Variants in JMJD1C observed in about 807,000 individuals in gnomAD.
The protein encoded by JMJD1C is jumonji domain-containing protein 1C.
JMJD1C carries 31 observed loss-of-function variants against 245.3 expected under a neutral mutation model. The observed-to-expected ratio is 0.13, with a 90% CI of 0.09 to 0.17. The LOEUF (loss-of-function observed/expected upper bound fraction) is 0.17. Ranked by LOEUF, JMJD1C falls within the 10% of genes least tolerant of loss-of-function variation. JMJD1C has a pLI of 1.00. For synonymous variants in JMJD1C, 1,057 were observed against 1,017.4 expected (o/e 1.04, Z -0.74); for missense variants, 2,691 against 3,000.2 (o/e 0.90, Z 2.41).
chr10:63,465,965 C>T lies in JMJD1C; in HGVS notation c.-303G>A, dbSNP rs1400614301. 3 of 511,758 alleles carry T rather than the reference C, an allele frequency of 5.9e-6. No individual in the cohort carries two copies. The highest frequency in any genetic ancestry group is 5.7e-5 in the South Asian group (3 of 52,398). 31.7% of individuals were successfully genotyped at this position (511,758 alleles called of 1,614,324 possible). A position where few individuals can be genotyped will look rare whatever the true frequency, so the allele number is the denominator to read the frequency against. On this transcript the variant is annotated 5_prime_UTR_variant, in exon 1 of 26. Transcript: ENST00000399262. ...GGCAGCCCAGCCGCCGCCACCGCGC[C>T]GCGGCCAGTACTGCTCCGTCTCCCT...
At chr10:63,277,731 CTTTTTTTTTTTTTTT>C (rs35442695) in intron 2 of JMJD1C, among the ~76,000 whole-genome samples, 1 of 64,262 alleles carries the variant, frequency 1.6e-5, no homozygotes, top group South Asian at 7.0e-4. Context: ...ATTTGCATTT[CTTTTTTTTTTTTTTT>C]TTTTTTTTTG....
rs570050036 is a variant in JMJD1C, at chr10:63,462,760, T to C, written c.168+2735A>G. On this transcript the variant is annotated intron_variant, in intron 1 of 25. Transcript: ENST00000399262. ...AAAAGGAAAGAAAATGGATCTCTCCTAGAATAAACAGTCTTGCCACACTTT... is the reference window on the plus strand; with the variant it reads ...AAAAGGAAAGAAAATGGATCTCTCCCAGAATAAACAGTCTTGCCACACTTT... Among the ~76,000 whole-genome samples the C allele has an allele frequency of 2.6e-5, 4 of 152,320 alleles. No homozygotes were observed. In the East Asian group the frequency reaches 7.7e-4, roughly 29 times the overall value.
intron 8 of JMJD1C, among the ~76,000 whole-genome samples, chr10:63,209,537 C>T (rs561710031): frequency 6.6e-6 from 1 of 152,076 alleles, no homozygotes; most frequent in Admixed American, 6.5e-5. Context: ...TATACAGAAC[C>T]TAGTTTATAT....
intron 2 of JMJD1C, among the ~76,000 whole-genome samples, chr10:63,369,495 A>G (rs1946124250): frequency 6.6e-6 from 1 of 152,160 alleles, no homozygotes; most frequent in Admixed American, 6.6e-5. Flanking sequence ...ATAAGATACA[A>G]AAATAGTGGT....
chr10:63,502,551 T>A (rs368949438), intron 1 of JMJD1C, among the ~76,000 whole-genome samples: 1 of 147,000 alleles, frequency 6.8e-6, no homozygotes, highest in African/African-American at 2.5e-5. Flanking sequence ...GGCAGGAGCA[T>A]GGTGTGAACC....
At chr10:63,288,723 TA>T (rs1219972098) in intron 2 of JMJD1C, among the ~76,000 whole-genome samples, 9 of 151,796 alleles carry the variant, frequency 5.9e-5, no homozygotes, top group Non-Finnish European at 1.2e-4. Flanking sequence ...CTACTAAAAA[TA>T]AAAAATTAAC....
chr10:63,266,896 TCAAGGTAGGC>T lies in JMJD1C; in HGVS notation c.334-2142_334-2133del, dbSNP rs958440237. 3.2e-3 allele frequency among the ~76,000 whole-genome samples: 490 copies of T among 152,254 alleles called. 3 individuals carry two copies. Among genetic ancestry groups the T allele is most frequent in the African/African-American group, 0.011 (475 of 41,564 alleles). On this transcript the variant is annotated intron_variant, in intron 2 of 25. Coordinates refer to ENST00000399262, the MANE Select transcript of JMJD1C (RefSeq NM_032776.3). ...ATTCTTCTGAAGAGAGCTCTCCTTT[TCAAGGTAGGC>T]CAGAGTTCTAAGGGTAAATTTCAAC...
rs1441654708 is a variant in JMJD1C, at chr10:63,389,319, AAAAAAAAAAG to A, written c.169-8847_169-8838del. On this transcript the variant is annotated intron_variant, in intron 1 of 25. Coordinates refer to ENST00000399262, the MANE Select transcript of JMJD1C (RefSeq NM_032776.3). ...AAAGTGAGACCCTGTCTCAAAAAAA[AAAAAAAAAAG>A]AAAAAGAAAAAAGATCTAAATGGAG... Among the ~76,000 whole-genome samples the A allele has an allele frequency of 1.3e-4, 19 of 150,414 alleles. No individual in the cohort carries two copies. The South Asian group carries it at 1.5e-3, about 12-fold the overall frequency.
intron 1 of JMJD1C, among the ~76,000 whole-genome samples, chr10:63,482,499 A>C (rs1366100367): frequency 6.6e-6 from 1 of 152,056 alleles, no homozygotes; most frequent in Non-Finnish European, 1.5e-5. Context: ...AGCTGGACAC[A>C]GTGGCATACA....
chr10:63,418,792 A>G (rs895062779), intron 1 of JMJD1C, among the ~76,000 whole-genome samples: 1 of 152,134 alleles, frequency 6.6e-6, no homozygotes, highest in Non-Finnish European at 1.5e-5. Context: ...AAAAATCTAG[A>G]TAAGGGGCCT....
At chr10:63,322,628 C>T (rs1002290800) in intron 2 of JMJD1C, among the ~76,000 whole-genome samples, 6 of 151,916 alleles carry the variant, frequency 3.9e-5, no homozygotes, top group African/African-American at 1.5e-4. Context: ...GCCTGACCAA[C>T]ATGGTGAAAC....
chr10:63,278,372 T>TAAA (rs1564725582), intron 2 of JMJD1C, among the ~76,000 whole-genome samples: 2 of 149,178 alleles, frequency 1.3e-5, no homozygotes, highest in African/African-American at 2.5e-5. Context: ...ATAATAATAA[T>TAAA]AAAATTAGCC....
chr10:63,326,087 T>C (rs915496450), intron 2 of JMJD1C, among the ~76,000 whole-genome samples: 2 of 152,180 alleles, frequency 1.3e-5, no homozygotes, highest in African/African-American at 2.4e-5. Flanking sequence ...AGTATCCACA[T>C]AGAGGAACAA....
chr10:63,514,619 G>A lies in JMJD1C; in HGVS notation n.113+7119C>T, dbSNP rs374679512. On this transcript the variant is annotated intron_variant and non_coding_transcript_variant, in intron 1 of 3. Coordinates refer to the JMJD1C transcript ENST00000633035. The stretch of plus-strand genomic sequence containing the variant: ...AATGATGGCAACAATAGACACTGGA[G>A]ACTACTAGAGGAGGGAGGGAGGGGG... Among the ~76,000 whole-genome samples the A allele has an allele frequency of 7.2e-4, 109 of 152,068 alleles. No individual in the cohort carries two copies. The Middle Eastern group carries it at 0.01, about 14-fold the overall frequency.
intron 1 of JMJD1C, among the ~76,000 whole-genome samples, chr10:63,444,058 C>T (rs1336132027): frequency 6.6e-6 from 1 of 152,172 alleles, no homozygotes; most frequent in East Asian, 1.9e-4. Context: ...ACAACACTGA[C>T]CACATACATA....
chr10:63,390,336 T>A (rs547989089), intron 1 of JMJD1C, among the ~76,000 whole-genome samples: 1 of 151,952 alleles, frequency 6.6e-6, no homozygotes, highest in Non-Finnish European at 1.5e-5. Context: ...CAGGAAGAAA[T>A]AGAAAATCTA....
At chr10:63,499,393 T>C (rs779966694) in intron 1 of JMJD1C, among the ~76,000 whole-genome samples, 8 of 152,236 alleles carry the variant, frequency 5.3e-5, no homozygotes, top group Non-Finnish European at 8.8e-5. Flanking sequence ...ATATTTTCTT[T>C]TCTGATAATA....
chr10:63,421,876 A>G (rs1318304258), intron 1 of JMJD1C, among the ~76,000 whole-genome samples: 1 of 152,156 alleles, frequency 6.6e-6, no homozygotes, highest in Non-Finnish European at 1.5e-5. Flanking sequence ...CTAGAAACCA[A>G]CCCTGATGAC....
At chr10:63,339,467 C>G (rs1943172203) in intron 2 of JMJD1C, among the ~76,000 whole-genome samples, 2 of 151,604 alleles carry the variant, frequency 1.3e-5, no homozygotes, top group Non-Finnish European at 2.9e-5. Flanking sequence ...AGAGTAGATG[C>G]AAAAACAAGA....
Sources: allele counts gnomAD v4.1 joint callset (sites outside exome capture counted in the v4.1 genomes callset), GRCh38; gene constraint gnomAD v4.1.1; transcripts MANE v1.5; gene names NCBI Gene and HGNC (gene_info 2026-07-23, HGNC 2026-07-21).